LNX1: variants seen among roughly 807,000 people sequenced by gnomAD.
The protein encoded by LNX1 is E3 ubiquitin-protein ligase LNX.
Under a neutral mutation model 68.4 loss-of-function variants are expected in LNX1, and 54 were observed. The ratio of observed to expected loss-of-function variants is 0.79; its 90% CI spans 0.63 to 0.99. The LOEUF is 0.99. Among genes scored for constraint, LNX1 ranks in the 50% least tolerant of loss-of-function variants. The pLI, the probability that LNX1 is intolerant of heterozygous loss-of-function variation, is 0.00. For missense variants in LNX1, 906 were observed against 926.4 expected (o/e 0.98, Z 0.29); for synonymous variants, 336 against 350.0 (o/e 0.96, Z 0.45).
intron 2 of LNX1, among the ~76,000 whole-genome samples, chr4:53,524,854 C>T (rs1376998893): frequency 6.6e-6 from 1 of 152,188 alleles, no homozygotes; most frequent in Admixed American, 6.5e-5. Flanking sequence ...GGAAGGAACC[C>T]TTTCTTTGCA....
chr4:53,506,856 T>A (rs1158586624), intron 4 of LNX1, among the ~76,000 whole-genome samples: 13 of 54,200 alleles, frequency 2.4e-4, no homozygotes, highest in South Asian at 5.0e-4. Flanking sequence ...AAACTCTGTC[T>A]AAAAAAAAAA....
intron 6 of LNX1, among the ~76,000 whole-genome samples, chr4:53,485,933 T>C (rs1724261986): frequency 6.6e-6 from 1 of 152,246 alleles, no homozygotes; most frequent in African/African-American, 2.4e-5. Flanking sequence ...AATAGCTTAC[T>C]GCAAGAAAGA....
upstream of LNX1, among the ~76,000 whole-genome samples, chr4:53,620,740 A>G (rs1733840704): frequency 6.6e-6 from 1 of 152,168 alleles, no homozygotes; most frequent in Admixed American, 6.5e-5. Context: ...TATTAAATGT[A>G]TGAAGGAAAA....
chr4:53,600,939 G>A (rs1401323402), intron 2 of LNX1, among the ~76,000 whole-genome samples: 6 of 150,402 alleles, frequency 4.0e-5, no homozygotes, highest in East Asian at 4.1e-4. Flanking sequence ...TTAGCCAGGC[G>A]TGGCAGTGGG....
chr4:53,626,651 T>C (rs1734086441), intron 1 of LNX1, among the ~76,000 whole-genome samples: 1 of 152,158 alleles, frequency 6.6e-6, no homozygotes, highest in Admixed American at 6.5e-5. Flanking sequence ...AAGTTACATC[T>C]CTTCTCATTC....
intron 1 of LNX1, among the ~76,000 whole-genome samples, chr4:53,589,019 A>G (rs1577766527): frequency 6.6e-6 from 1 of 152,216 alleles, no homozygotes. Context: ...GAGGCTCGGC[A>G]TGAACCCTCA....
chr4:53,557,997 C>T (rs751104118), intron 2 of LNX1: 22 of 1,612,294 alleles, frequency 1.4e-5, no homozygotes, highest in Non-Finnish European at 1.9e-5. Flanking sequence ...TCTCCCTGGC[C>T]ACCTTCTGTC....
chr4:53,517,767 G>A (rs1009517686), intron 2 of LNX1, among the ~76,000 whole-genome samples: 3 of 145,286 alleles, frequency 2.1e-5, no homozygotes, highest in Non-Finnish European at 4.6e-5. Flanking sequence ...ATAGCTACCA[G>A]AAACTGCACA....
At chr4:53,576,964 A>T (rs1227025588) in intron 1 of LNX1, among the ~76,000 whole-genome samples, 3 of 152,254 alleles carry the variant, frequency 2.0e-5, no homozygotes, top group Non-Finnish European at 2.9e-5. Flanking sequence ...CACTCTAGTG[A>T]AGAGGTTGCT....
intron 2 of LNX1, among the ~76,000 whole-genome samples, chr4:53,561,934 A>G (rs1467025526): frequency 6.6e-6 from 1 of 152,136 alleles, no homozygotes; most frequent in African/African-American, 2.4e-5. Context: ...GAATTAAAAA[A>G]AAGGAAAAAG....
At chr4:53,557,218 G>A (rs778990592) in intron 2 of LNX1, among the ~76,000 whole-genome samples, 1 of 152,184 alleles carries the variant, frequency 6.6e-6, no homozygotes, top group Non-Finnish European at 1.5e-5. Flanking sequence ...GCACAATGAT[G>A]TATTTAGGGG....
chr4:53,563,537 C>CTTTT (rs763612909), intron 2 of LNX1, among the ~76,000 whole-genome samples: 21,232 of 142,322 alleles, frequency 0.15, 2,032 homozygotes, highest in African/African-American at 0.27. Context: ...GCTTCAAATT[C>CTTTT]TTTTTTTTTT....
intron 2 of LNX1, among the ~76,000 whole-genome samples, chr4:53,606,706 A>C (rs1323888761): frequency 6.6e-6 from 1 of 152,344 alleles, no homozygotes; most frequent in East Asian, 1.9e-4. Context: ...AAAAATCCTC[A>C]ATAAAATACT....
At chr4:53,503,453 G>C (rs749536803) in intron 4 of LNX1, among the ~76,000 whole-genome samples, 7 of 152,280 alleles carry the variant, frequency 4.6e-5, no homozygotes, top group Admixed American at 1.3e-4. Context: ...TTACTCTTGC[G>C]TCTCCATCGA....
At chr4:53,588,019 C>T (rs765497451) in intron 1 of LNX1, among the ~76,000 whole-genome samples, 11 of 152,200 alleles carry the variant, frequency 7.2e-5, no homozygotes, top group Non-Finnish European at 1.2e-4. Flanking sequence ...ATCATTATTA[C>T]ATCCAGATAG....
chr4:53,570,020 G>A (rs530332289), intron 2 of LNX1, among the ~76,000 whole-genome samples: 1 of 152,182 alleles, frequency 6.6e-6, no homozygotes, highest in Non-Finnish European at 1.5e-5. Flanking sequence ...AAGAACAGGT[G>A]GTGGAGAGGA....
At chr4:53,486,289 G>A (rs1472507231) in intron 6 of LNX1, among the ~76,000 whole-genome samples, 1 of 127,540 alleles carries the variant, frequency 7.8e-6, no homozygotes, top group Non-Finnish European at 1.6e-5. Flanking sequence ...CCAATCGGCA[G>A]AGCGCACTAC....
In LNX1 at chr4:53,460,103, A is replaced by G; in HGVS notation, c.*804T>C. 1 of 199,942 alleles carries G rather than the reference A, an allele frequency of 5.0e-6. No individual in the cohort carries two copies. The highest frequency in any genetic ancestry group is 1.0e-5 in the Non-Finnish European group (1 of 96,948). The allele number at this position is 199,942 out of a possible 1,614,324, so 12.4% of individuals were successfully genotyped here. A position where few individuals can be genotyped will look rare whatever the true frequency, so the allele number is the denominator to read the frequency against. On this transcript the variant is annotated 3_prime_UTR_variant, in exon 11 of 11. Transcript: ENST00000263925. The stretch of plus-strand genomic sequence containing the variant: ...TAGTTTCTAGGAGGCATGTGTACAC[A>G]CACTCTTCATTGTGGCACAAATTTA...
intron 1 of LNX1, among the ~76,000 whole-genome samples, chr4:53,628,826 T>C (rs1456591928): frequency 6.6e-6 from 1 of 151,924 alleles, no homozygotes; most frequent in African/African-American, 2.4e-5. Context: ...TCTTTTACAA[T>C]GACTTGGACG....
Sources: allele counts gnomAD v4.1 joint callset (sites outside exome capture counted in the v4.1 genomes callset), GRCh38; gene constraint gnomAD v4.1.1; transcripts MANE v1.5; gene names NCBI Gene and HGNC (gene_info 2026-07-23, HGNC 2026-07-21).